Variants in NEBL observed in about 807,000 individuals in gnomAD.
NEBL encodes the protein LIM and SH3 protein 2.
A neutral mutation model predicts 140.2 loss-of-function variants in NEBL; 122 were observed. That is an observed-to-expected ratio of 0.87 (90% CI 0.75 to 1.01). The LOEUF (loss-of-function observed/expected upper bound fraction) is 1.01, where lower values mean the gene tolerates loss of function less well. Ranked by LOEUF, NEBL falls within the 50% of genes least tolerant of loss-of-function variation. The pLI is 0.00. For synonymous variants in NEBL, 436 were observed against 398.9 expected (o/e 1.09, Z -1.11); for missense variants, 1,365 against 1,231.3 (o/e 1.11, Z -1.62).
At chr10:20,926,912 T>C (rs1033918044) in intron 4 of NEBL, among the ~76,000 whole-genome samples, 2 of 152,098 alleles carry the variant, frequency 1.3e-5, no homozygotes, top group Admixed American at 6.5e-5. Context: ...GACCTAAAAA[T>C]GCATAGATGA....
intron 2 of NEBL, among the ~76,000 whole-genome samples, chr10:21,156,705 A>T (rs1280959115): frequency 6.6e-6 from 1 of 152,204 alleles, no homozygotes; most frequent in Non-Finnish European, 1.5e-5. Context: ...GCTTAATAAA[A>T]TAATAAAAGA....
intron 3 of NEBL, among the ~76,000 whole-genome samples, chr10:20,984,936 C>T (rs903637149): frequency 6.6e-5 from 10 of 152,078 alleles, no homozygotes; most frequent in African/African-American, 1.4e-4. Context: ...GTGAACTGCA[C>T]GTGTGAAGAA....
chr10:20,828,671 T>C, intron 16 of NEBL, 37 bp from the exon 17 acceptor site: 2 of 1,357,150 alleles, frequency 1.5e-6, no homozygotes, highest in Non-Finnish European at 2.1e-6. Context: ...TCTGAAACTA[T>C]GTGTGTGCGC....
At chr10:20,900,552 G>A (rs944121870), upstream of NEBL, among the ~76,000 whole-genome samples, 7 of 151,268 alleles carry the variant, frequency 4.6e-5, no homozygotes, top group South Asian at 6.3e-4. Flanking sequence ...GGCTGGGTGC[G>A]GTGGTTCACG....
intron 4 of NEBL, among the ~76,000 whole-genome samples, chr10:20,922,037 T>C (rs901963656): frequency 2.0e-5 from 3 of 152,226 alleles, no homozygotes; most frequent in Non-Finnish European, 4.4e-5. Context: ...CTAAGTAGGC[T>C]CCTAAAATTG....
At chr10:21,047,702 T>C (rs1327695670) in intron 2 of NEBL, among the ~76,000 whole-genome samples, 1 of 152,186 alleles carries the variant, frequency 6.6e-6, no homozygotes, top group Non-Finnish European at 1.5e-5. Context: ...AACTATTGTA[T>C]GAATCAGAGG....
chr10:20,825,929 A>C (rs1419208107), intron 18 of NEBL, among the ~76,000 whole-genome samples: 2 of 152,206 alleles, frequency 1.3e-5, no homozygotes, highest in Non-Finnish European at 1.5e-5. Flanking sequence ...GCAGAAGGTA[A>C]AACAGGCTGG....
In NEBL at chr10:20,971,622, T is replaced by C. The variant is rs1006448511; in HGVS notation, c.250-9843A>G. ...TCCCCCAACCCTAGAATTTTTTTTT[T>C]TTTTTTTTTGAGATGGAGTCTCACT... On this transcript the variant is annotated intron_variant, in intron 3 of 6. Coordinates refer to the NEBL transcript ENST00000417816. Among the ~76,000 whole-genome samples, 16 of 132,334 alleles carry C rather than the reference T, an allele frequency of 1.2e-4. No individual in the cohort carries two copies. In the Admixed American group the frequency reaches 1.2e-3, roughly 10 times the overall value. 86.8% of individuals were successfully genotyped at this position (132,334 alleles called of 152,430 possible).
intron 3 of NEBL, among the ~76,000 whole-genome samples, chr10:21,200,388 A>G (rs904723302): frequency 7.8e-6 from 1 of 128,814 alleles, no homozygotes; most frequent in Non-Finnish European, 1.5e-5. Flanking sequence ...ATCTCGGCTC[A>G]CTGCAAGCTC....
intron 7 of NEBL, among the ~76,000 whole-genome samples, chr10:20,866,952 T>C (rs879887835): frequency 1.1e-4 from 17 of 152,128 alleles, no homozygotes; most frequent in Admixed American, 1.1e-3. Flanking sequence ...TCTTAAACTA[T>C]ATACAAAAAT....
intron 2 of NEBL, among the ~76,000 whole-genome samples, chr10:21,108,703 G>C (rs1447340925): frequency 6.6e-6 from 1 of 152,112 alleles, no homozygotes; most frequent in Non-Finnish European, 1.5e-5. Context: ...CTGGGTTCAA[G>C]TCCTGGATAT....
intron 14 of NEBL, among the ~76,000 whole-genome samples, chr10:20,834,727 A>G (rs1166981413): frequency 6.6e-6 from 1 of 152,184 alleles, no homozygotes; most frequent in East Asian, 1.9e-4. Flanking sequence ...TTTTCTTCAC[A>G]TACACTTTTT....
At chr10:20,856,115 A>T (rs997268651) in intron 9 of NEBL, among the ~76,000 whole-genome samples, 1 of 152,210 alleles carries the variant, frequency 6.6e-6, no homozygotes, top group Non-Finnish European at 1.5e-5. Flanking sequence ...TTTCTCTCCC[A>T]GGAAGTAGTC....
chr10:21,009,538 A>C (rs1008329169), intron 3 of NEBL, among the ~76,000 whole-genome samples: 3 of 152,200 alleles, frequency 2.0e-5, no homozygotes, highest in Non-Finnish European at 4.4e-5. Context: ...ATCAAGAGAG[A>C]GGGAAGGAGG....
At chr10:20,964,400 T>C (rs1301700340) in intron 3 of NEBL, among the ~76,000 whole-genome samples, 1 of 152,184 alleles carries the variant, frequency 6.6e-6, no homozygotes, top group African/African-American at 2.4e-5. Context: ...ACAGGAAGCA[T>C]GGTGCCAGCA....
intron 3 of NEBL, among the ~76,000 whole-genome samples, chr10:21,194,341 T>C (rs1471551782): frequency 6.6e-6 from 1 of 152,180 alleles, no homozygotes. Flanking sequence ...GCAACTCTTT[T>C]TTTAATAGAA....
chr10:20,918,190 C>G (rs998392017), intron 4 of NEBL, among the ~76,000 whole-genome samples: 1 of 152,026 alleles, frequency 6.6e-6, no homozygotes, highest in African/African-American at 2.4e-5. Flanking sequence ...GAAACCCTGT[C>G]GCTACTAAAA....
At chr10:20,819,199 G>A (rs907721212) in intron 20 of NEBL, 13 of 896,390 alleles carry the variant, frequency 1.5e-5, no homozygotes, top group South Asian at 1.1e-4. Context: ...TTACTTTTCC[G>A]GATCCTCTCC....
chr10:20,989,383 A>G (rs1837374809), intron 3 of NEBL, among the ~76,000 whole-genome samples: 1 of 152,258 alleles, frequency 6.6e-6, no homozygotes, highest in East Asian at 1.9e-4. Flanking sequence ...GAAAACCAAA[A>G]TAAAAGATGA....
Sources: allele counts gnomAD v4.1 joint callset (sites outside exome capture counted in the v4.1 genomes callset), GRCh38; gene constraint gnomAD v4.1.1; transcripts MANE v1.5; gene names NCBI Gene and HGNC (gene_info 2026-07-23, HGNC 2026-07-21).